Variants in DIXDC1 observed in about 807,000 individuals in gnomAD.
DIXDC1 encodes dixin.
In DIXDC1, 64 loss-of-function variants were observed where a neutral mutation model predicts 103.1. The observed-to-expected ratio is 0.62, with a 90% CI of 0.51 to 0.76. The LOEUF (loss-of-function observed/expected upper bound fraction) is 0.76. Among genes scored for constraint, DIXDC1 ranks in the 30% least tolerant of loss-of-function variants. The pLI, the probability that DIXDC1 is intolerant of heterozygous loss-of-function variation, is 0.00. For missense variants in DIXDC1, 759 were observed against 834.2 expected, an observed-to-expected ratio of 0.91 and a Z score of 1.11; for synonymous variants, 266 against 298.5, an observed-to-expected ratio of 0.89 and a Z score of 1.12.
intron 3 of DIXDC1, among the ~76,000 whole-genome samples, chr11:111,969,797 G>A (rs1859854472): frequency 6.6e-6 from 1 of 152,128 alleles, no homozygotes; most frequent in African/African-American, 2.4e-5. Flanking sequence ...ATCATTGAGA[G>A]CACCTTGTGG....
intron 3 of DIXDC1, among the ~76,000 whole-genome samples, chr11:111,971,644 C>T (rs1555172071): frequency 6.6e-6 from 1 of 152,164 alleles, no homozygotes; most frequent in Non-Finnish European, 1.5e-5. Flanking sequence ...AGGTTCATTG[C>T]AGCGCCATTC....
chr11:111,959,641 A>G (rs1032943122), intron 1 of DIXDC1, among the ~76,000 whole-genome samples: 1 of 152,246 alleles, frequency 6.6e-6, no homozygotes, highest in Non-Finnish European at 1.5e-5. Context: ...ACCACTGGCC[A>G]GGTTTCCAGC....
chr11:111,981,334 A>G (rs1860300093), intron 6 of DIXDC1, among the ~76,000 whole-genome samples: 1 of 152,176 alleles, frequency 6.6e-6, no homozygotes, highest in Non-Finnish European at 1.5e-5. Flanking sequence ...AGACTTCCAT[A>G]CTCTGTCTCA....
intron 6 of DIXDC1, among the ~76,000 whole-genome samples, chr11:111,981,245 G>A (rs1239914092): frequency 6.6e-6 from 1 of 152,076 alleles, no homozygotes; most frequent in African/African-American, 2.4e-5. Context: ...TGTCTGTGAG[G>A]GCACAGAGAA....
intron 1 of DIXDC1, among the ~76,000 whole-genome samples, chr11:111,928,678 G>A (rs920438001): frequency 6.6e-6 from 1 of 151,996 alleles, no homozygotes; most frequent in African/African-American, 2.4e-5. Context: ...CAGGAGAATC[G>A]CTTGAACCCG....
At chr11:111,950,558 C>T (rs56139514) in intron 1 of DIXDC1, among the ~76,000 whole-genome samples, 66 of 144,434 alleles carry the variant, frequency 4.6e-4, no homozygotes, top group African/African-American at 1.6e-3. Flanking sequence ...CAGGTTCAAG[C>T]GATTCTCCTG....
chr11:111,993,054 C>T, intron 12 of DIXDC1, 50 bp downstream of exon 12: 1 of 1,547,040 alleles, frequency 6.5e-7, no homozygotes, highest in East Asian at 2.3e-5. Flanking sequence ...TTTTCATGAA[C>T]AGCCCGTTAT....
intron 2 of DIXDC1, among the ~76,000 whole-genome samples, chr11:111,966,695 G>A (rs185433456): frequency 2.6e-5 from 4 of 152,292 alleles, no homozygotes; most frequent in Admixed American, 6.5e-5. Flanking sequence ...GAGCCACCGC[G>A]TCCAGCCAAA....
intron 4 of DIXDC1, 145 bp from the exon 5 acceptor site, chr11:111,974,731 C>A: frequency 7.0e-7 from 1 of 1,423,072 alleles, no homozygotes. Flanking sequence ...GCCTTCCCTG[C>A]TAGGTACCAA....
At chr11:111,974,280 A>G (rs1555172380) in intron 4 of DIXDC1, 26 bp downstream of exon 4, 1 of 1,590,564 alleles carries the variant, frequency 6.3e-7, no homozygotes, top group Admixed American at 1.8e-5. Flanking sequence ...TGGGGGTGGG[A>G]ACTGATCCCT....
chr11:112,016,769 C>G lies in DIXDC1; in HGVS notation c.1835C>G (p.Thr612Arg). Residue 612 changes from threonine (T) to arginine (R), a missense_variant, in exon 18 of 20, where the codon ACG becomes AGG. Physicochemically the swap from Thr to Arg is moderately conservative, Grantham distance 71 (BLOSUM62 -1). Transcript: ENST00000440460. ...KVLYFTDRSL[T>R]PFMVNIPKRL... Reference sequence around the variant, plus strand: ...CTCTATTTCACTGACCGGTCACTTACGCCCTTCATGGTCAATATACCAAAG... The same window carrying G: ...CTCTATTTCACTGACCGGTCACTTAGGCCCTTCATGGTCAATATACCAAAG... 1.9e-6 allele frequency: 3 copies of G among 1,608,280 alleles called. No individual in the cohort carries two copies. Among genetic ancestry groups the G allele is most frequent in the South Asian group, 1.1e-5 (1 of 89,944 alleles).
chr11:111,977,493 C>T lies in DIXDC1; in HGVS notation c.656+2510C>T. On this transcript the variant is annotated intron_variant, in intron 5 of 19. Transcript: ENST00000440460. This position sits in a 1 kb window ranked among gnomAD's most constrained non-coding sequence, Gnocchi z 6.1. ...GCCGGCAGCCTGCGAGGGGAGGCAG[C>T]TTCCGCCGGGGCCGGGCTGCTGCAC... 7.5e-7 allele frequency: 1 copy of T among 1,332,414 alleles called. No individual in the cohort carries two copies. Among genetic ancestry groups the T allele is most frequent in the South Asian group, 1.7e-5 (1 of 58,860 alleles). 82.5% of individuals were successfully genotyped at this position (1,332,414 alleles called of 1,614,324 possible). A position where few individuals can be genotyped will look rare whatever the true frequency, so the allele number is the denominator to read the frequency against.
chr11:111,993,141 C>T, intron 12 of DIXDC1, 137 bp downstream of exon 12: 1 of 978,802 alleles, frequency 1.0e-6, no homozygotes, highest in Non-Finnish European at 1.5e-6. Flanking sequence ...TAGAAGGAAG[C>T]ATTTTTCTGT....
At chr11:111,931,671 AAAAG>A (rs1411861137) in intron 2 of DIXDC1, among the ~76,000 whole-genome samples, 28 of 152,302 alleles carry the variant, frequency 1.8e-4, no homozygotes, top group African/African-American at 6.7e-4. Flanking sequence ...AATAATTAAA[AAAAG>A]ACTACATCAA....
intron 17 of DIXDC1, among the ~76,000 whole-genome samples, chr11:112,001,948 G>C (rs1861080774): frequency 6.6e-6 from 1 of 151,924 alleles, no homozygotes; most frequent in South Asian, 2.1e-4. Flanking sequence ...GTAGAGACGG[G>C]TTTTCACCAT....
intron 17 of DIXDC1, among the ~76,000 whole-genome samples, chr11:112,003,301 ACAAAAATTAGCGGG>A (rs1175352805): frequency 6.6e-6 from 1 of 151,940 alleles, no homozygotes; most frequent in Non-Finnish European, 1.5e-5. Flanking sequence ...TACTAAAAAT[ACAAAAATTAGCGGG>A]CGGGTGGCAA....
chr11:111,996,173 G>A, intron 17 of DIXDC1, 27 bp downstream of exon 17: 1 of 1,600,252 alleles, frequency 6.2e-7, no homozygotes, highest in South Asian at 1.1e-5. Flanking sequence ...GCTCAGTAGG[G>A]ACTCCTAGCA....
At chr11:111,961,797 T>G (rs1555171121) in intron 1 of DIXDC1, among the ~76,000 whole-genome samples, 2 of 152,276 alleles carry the variant, frequency 1.3e-5, no homozygotes, top group African/African-American at 2.4e-5. Context: ...AATGATTAAC[T>G]GATTCAAACA....
intron 1 of DIXDC1, among the ~76,000 whole-genome samples, chr11:111,928,174 A>C (rs1555167260): frequency 6.6e-6 from 1 of 152,150 alleles, no homozygotes; most frequent in Non-Finnish European, 1.5e-5. Flanking sequence ...GACTCAATGC[A>C]GGCAGATTCA....
Sources: allele counts gnomAD v4.1 joint callset (sites outside exome capture counted in the v4.1 genomes callset), GRCh38; gene constraint gnomAD v4.1.1; non-coding constraint Gnocchi (gnomAD v3.1); transcripts MANE v1.5; gene names NCBI Gene and HGNC (gene_info 2026-07-23, HGNC 2026-07-21).